The following PDS5B variants were observed in gnomAD, a reference collection of about 807,000 sequenced individuals.
The protein encoded by PDS5B is sister chromatid cohesion protein PDS5 homolog B.
A neutral mutation model predicts 184.1 loss-of-function variants in PDS5B; 51 were observed. The ratio of observed to expected loss-of-function variants is 0.28; its 90% confidence interval spans 0.22 to 0.35. The LOEUF is 0.35. PDS5B is among the 10% of genes least tolerant of loss of function. The pLI is 1.00. For synonymous variants in PDS5B, 566 were observed against 569.2 expected (o/e 0.99, Z 0.08); for missense variants, 1,180 against 1,723.3 (o/e 0.68, Z 5.58).
chr13:32,623,956 C>G (rs970203995), intron 1 of PDS5B, among the ~76,000 whole-genome samples: 1 of 152,018 alleles, frequency 6.6e-6, no homozygotes, highest in Non-Finnish European at 1.5e-5. Context: ...GGAAGACAGG[C>G]GTGTGCCACC....
At chr13:32,655,193 A>AT (rs140159005) in intron 3 of PDS5B, among the ~76,000 whole-genome samples, 56,560 of 145,304 alleles carry the variant, frequency 0.39, 11,195 homozygotes, top group Non-Finnish European at 0.45. Flanking sequence ...AGCATCTGTC[A>AT]TTTTTTTTTT....
At chr13:32,744,482 A>G (rs376220556) in intron 23 of PDS5B, among the ~76,000 whole-genome samples, 20 of 152,236 alleles carry the variant, frequency 1.3e-4, no homozygotes, top group African/African-American at 4.6e-4. Flanking sequence ...TTGTGTTTAC[A>G]CCTTAAACTT....
chr13:32,647,620 G>A (rs1950260223), intron 1 of PDS5B, among the ~76,000 whole-genome samples: 1 of 151,960 alleles, frequency 6.6e-6, no homozygotes, highest in African/African-American at 2.4e-5. Context: ...TTGACCTGTT[G>A]AATTTTCAAT....
At chr13:32,768,989 A>G (rs1478826251) in intron 31 of PDS5B, among the ~76,000 whole-genome samples, 1 of 149,778 alleles carries the variant, frequency 6.7e-6, no homozygotes, top group Non-Finnish European at 1.5e-5. Flanking sequence ...GCGTGGTTGC[A>G]GACACCTGTA....
intron 19 of PDS5B, among the ~76,000 whole-genome samples, chr13:32,730,705 G>A (rs1160927205): frequency 6.6e-6 from 1 of 151,990 alleles, no homozygotes; most frequent in Non-Finnish European, 1.5e-5. Flanking sequence ...TTTCTTTGTA[G>A]CAATTGTGAA....
chr13:32,648,113 AC>A (rs1158644356), intron 1 of PDS5B, among the ~76,000 whole-genome samples: 1 of 152,134 alleles, frequency 6.6e-6, no homozygotes, highest in Non-Finnish European at 1.5e-5. Context: ...TCTGTTTAGC[AC>A]CAAGGCAGCC....
intron 19 of PDS5B, among the ~76,000 whole-genome samples, chr13:32,718,058 A>G (rs1008644515): frequency 1.3e-5 from 2 of 152,204 alleles, no homozygotes; most frequent in Admixed American, 1.3e-4. Flanking sequence ...TTGGTACAAT[A>G]TTAGTAAGCC....
chr13:32,638,537 G>C (rs1361839599), intron 1 of PDS5B, among the ~76,000 whole-genome samples: 1 of 152,196 alleles, frequency 6.6e-6, no homozygotes. Flanking sequence ...ATTTGGGAGA[G>C]AGGACAATAC....
At chr13:32,760,475 G>T in intron 29 of PDS5B, 100 bp from the exon 30 acceptor site, 1 of 1,104,730 alleles carries the variant, frequency 9.1e-7, no homozygotes. Flanking sequence ...TTCATGATTT[G>T]TAAGTAAATA....
At chr13:32,652,694 G>A (rs1950401939) in intron 3 of PDS5B, 1 of 151,550 alleles carries the variant, frequency 6.6e-6, no homozygotes, top group African/African-American at 2.4e-5. Flanking sequence ...GGGGGGCGGA[G>A]GTTGCAGTGA....
chr13:32,758,609 A>G lies in PDS5B; in HGVS notation c.3265A>G (p.Lys1089Glu), dbSNP rs1438266408. Residue 1089 changes from lysine to glutamate, a missense_variant, in exon 28 of 35, where the codon AAA (lysine) becomes GAA (glutamate). Coordinates refer to ENST00000315596, the MANE Select transcript of PDS5B (RefSeq NM_015032.4). Reference protein sequence around the residue: ...KSTTYSLESPKDPVLPARFFT... With the variant: ...KSTTYSLESPEDPVLPARFFT... ...TACTACATACAGTTTGGAATCTCCT[A>G]AAGACCCGGTACTACCAGCTCGTTT... 1.2e-6 allele frequency: 2 copies of G among 1,613,238 alleles called. No individual in the cohort carries two copies. Among genetic ancestry groups the G allele is most frequent in the Admixed American group, 1.7e-5 (1 of 59,992 alleles).
intron 17 of PDS5B, among the ~76,000 whole-genome samples, chr13:32,703,055 G>A (rs1314656412): frequency 1.3e-5 from 2 of 152,160 alleles, no homozygotes; most frequent in Non-Finnish European, 2.9e-5. Flanking sequence ...TCCAAATGAT[G>A]TGGAGAATAG....
rs7337672 is a variant in PDS5B, at chr13:32,674,923, T to G, written c.847-921T>G. 7.6e-3 allele frequency among the ~76,000 whole-genome samples: 1,111 copies of G among 145,284 alleles called. 10 individuals carry two copies. Among genetic ancestry groups the G allele is most frequent in the African/African-American group, 0.028 (1,062 of 37,622 alleles). On this transcript the variant is annotated intron_variant, in intron 8 of 34. Coordinates refer to ENST00000315596, the MANE Select transcript of PDS5B (RefSeq NM_015032.4). ...ATTCCGAGTTTTGGGGAATAGAGGT[T>G]TTTTTTTTTTTGTTCTTCTTATTTT...
rs116145427 is a variant in PDS5B at position 32,745,499 on chromosome 13, T to A, written c.2613-478T>A. 6.3e-3 allele frequency among the ~76,000 whole-genome samples: 956 copies of A among 152,318 alleles called. 16 individuals carry two copies. The highest frequency in any genetic ancestry group is 0.022 in the African/African-American group (914 of 41,564). On this transcript the variant is annotated intron_variant, in intron 23 of 34. Coordinates refer to ENST00000315596, the MANE Select transcript of PDS5B (RefSeq NM_015032.4). ...AATGAGCATAATATGGTGTTCAGTA[T>A]TGCTAAATTATTTTCTGTATTAGCC...
At chr13:32,623,218 A>G (rs1450027160) in intron 1 of PDS5B, among the ~76,000 whole-genome samples, 1 of 152,140 alleles carries the variant, frequency 6.6e-6, no homozygotes, top group African/African-American at 2.4e-5. Context: ...CTCAAACACT[A>G]GTTTTAGGTT....
At chr13:32,675,506 A>G (rs1432501171) in intron 8 of PDS5B, among the ~76,000 whole-genome samples, 3 of 152,192 alleles carry the variant, frequency 2.0e-5, no homozygotes, top group Non-Finnish European at 4.4e-5. Flanking sequence ...TAGTTTTTCA[A>G]GGGTCCTGGG....
intron 1 of PDS5B, among the ~76,000 whole-genome samples, chr13:32,614,827 T>C (rs1029068902): frequency 1.3e-5 from 2 of 152,246 alleles, no homozygotes; most frequent in Non-Finnish European, 2.9e-5. Flanking sequence ...TACCTACTCA[T>C]GTGACTGATT....
At chr13:32,626,792 A>G (rs953123329) in intron 1 of PDS5B, among the ~76,000 whole-genome samples, 1 of 152,208 alleles carries the variant, frequency 6.6e-6, no homozygotes, top group Admixed American at 6.5e-5. Flanking sequence ...AATACATAAC[A>G]GTTCTGTTTT....
In PDS5B at chr13:32,677,909, A is replaced by T. The variant is rs151267686; in HGVS notation, c.963-926A>T. 3.3e-3 allele frequency among the ~76,000 whole-genome samples: 499 copies of T among 152,268 alleles called. 3 individuals are homozygous for T. The highest frequency in any genetic ancestry group is 3.8e-3 in the Non-Finnish European group (261 of 68,018). ...ATTACTATTTTACATTCTGTGATAA[A>T]GTAATGTATACAGACGGAACATCAG... On this transcript the variant is annotated intron_variant, in intron 9 of 34. Coordinates refer to ENST00000315596, the MANE Select transcript of PDS5B (RefSeq NM_015032.4).
Sources: allele counts gnomAD v4.1 joint callset (sites outside exome capture counted in the v4.1 genomes callset), GRCh38; gene constraint gnomAD v4.1.1; transcripts MANE v1.5; gene names NCBI Gene and HGNC (gene_info 2026-07-23, HGNC 2026-07-21).